Variants in TMEM117 observed in about 807,000 individuals in gnomAD.
TMEM117 encodes transmembrane protein 117.
Under a neutral mutation model 52.4 loss-of-function variants are expected in TMEM117, and 27 were observed. The observed-to-expected ratio is 0.51, with a 90% CI of 0.38 to 0.71. The LOEUF (loss-of-function observed/expected upper bound fraction) is 0.71. Among genes scored for constraint, TMEM117 ranks in the 30% least tolerant of loss-of-function variants. The pLI is 0.00. For synonymous variants in TMEM117, 215 were observed against 206.3 expected, an observed-to-expected ratio of 1.04 and a Z score of -0.36; for missense variants, 556 against 630.5, an observed-to-expected ratio of 0.88 and a Z score of 1.26.
intron 4 of TMEM117, among the ~76,000 whole-genome samples, chr12:44,181,324 G>C (rs1311120133): frequency 1.3e-5 from 2 of 152,002 alleles, no homozygotes; most frequent in Non-Finnish European, 2.9e-5. Context: ...TCTGATGGTA[G>C]TTTCTTTTGC....
rs192774292 is a variant in TMEM117 at position 44,322,120 on chromosome 12, G to A, written c.768+22381G>A. On this transcript the variant is annotated intron_variant, in intron 6 of 7. Coordinates refer to ENST00000266534, the MANE Select transcript of TMEM117 (RefSeq NM_032256.3). ...TTTCATTTGAATAAAAGGAATTGGC[G>A]ACTTATGTCAGAGAAGCTATGTTAG... Among the ~76,000 whole-genome samples, 4 of 152,262 alleles carry A rather than the reference G, an allele frequency of 2.6e-5. No homozygotes were observed. The East Asian group carries it at 5.8e-4, about 22-fold the overall frequency.
intron 3 of TMEM117, among the ~76,000 whole-genome samples, chr12:44,125,229 G>A (rs953041186): frequency 8.6e-5 from 13 of 151,894 alleles, no homozygotes; most frequent in South Asian, 4.2e-4. Flanking sequence ...CTCAGCCTCC[G>A]GAGTACCTGG....
chr12:44,242,338 G>A (rs1037969553), intron 5 of TMEM117, among the ~76,000 whole-genome samples: 1 of 151,522 alleles, frequency 6.6e-6, no homozygotes, highest in Non-Finnish European at 1.5e-5. Flanking sequence ...CCTTCTTTGT[G>A]TTCATGAGTT....
the TMEM117 span, among the ~76,000 whole-genome samples, chr12:43,820,857 T>C: frequency 6.6e-6 from 1 of 151,618 alleles, no homozygotes; most frequent in African/African-American, 2.4e-5. Context: ...ATCCCAGCAC[T>C]TTGGGAGGCC....
intron 3 of TMEM117, among the ~76,000 whole-genome samples, chr12:43,956,873 A>G (rs117528618): frequency 0.016 from 2,510 of 152,264 alleles, 49 homozygotes; most frequent in East Asian, 0.069. Flanking sequence ...TTGCAGCACT[A>G]TTTACCATAG....
intron 2 of TMEM117, among the ~76,000 whole-genome samples, chr12:43,854,646 T>G (rs928920784): frequency 6.6e-6 from 1 of 151,840 alleles, no homozygotes; most frequent in Non-Finnish European, 1.5e-5. Flanking sequence ...ATTTATTTAT[T>G]TATTATTTTT....
intron 6 of TMEM117, among the ~76,000 whole-genome samples, chr12:44,333,485 G>T (rs1951300025): frequency 6.6e-6 from 1 of 151,958 alleles, no homozygotes; most frequent in South Asian, 2.1e-4. Context: ...GGCAGAAATT[G>T]GATCATGGAG....
At chr12:44,235,477 T>C (rs1949984861) in intron 5 of TMEM117, among the ~76,000 whole-genome samples, 2 of 151,710 alleles carry the variant, frequency 1.3e-5, no homozygotes, top group Non-Finnish European at 1.5e-5. Context: ...AATTTTTACC[T>C]TTTTTGATGT....
chr12:44,332,835 T>C (rs1180704739), intron 6 of TMEM117, among the ~76,000 whole-genome samples: 1 of 151,908 alleles, frequency 6.6e-6, no homozygotes, highest in African/African-American at 2.4e-5. Flanking sequence ...AGCATTTTCA[T>C]AGTAAGTATA....
At chr12:43,946,550 A>C (rs1268092962) in intron 3 of TMEM117, among the ~76,000 whole-genome samples, 3 of 152,164 alleles carry the variant, frequency 2.0e-5, no homozygotes, top group Non-Finnish European at 2.9e-5. Context: ...GAGAGTTAAT[A>C]GTTGTTGAAC....
chr12:43,991,462 TATCTATCTATCTA>T (rs1275805356), intron 3 of TMEM117, among the ~76,000 whole-genome samples: 1 of 151,750 alleles, frequency 6.6e-6, no homozygotes, highest in Non-Finnish European at 1.5e-5. Context: ...TCTATCTATC[TATCTATCTATCTA>T]ATCTATCTCT....
At chr12:44,006,256 T>G (rs1345029505) in intron 3 of TMEM117, among the ~76,000 whole-genome samples, 1 of 152,254 alleles carries the variant, frequency 6.6e-6, no homozygotes, top group Non-Finnish European at 1.5e-5. Context: ...TCATTTTGTA[T>G]GTCTGTGTAG....
intron 3 of TMEM117, among the ~76,000 whole-genome samples, chr12:43,972,548 C>A (rs1273192867): frequency 6.6e-6 from 1 of 152,182 alleles, no homozygotes; most frequent in African/African-American, 2.4e-5. Flanking sequence ...TCCCTGCTCA[C>A]GTCCTGCTGA....
At chr12:44,037,248 T>C (rs947378648) in intron 3 of TMEM117, among the ~76,000 whole-genome samples, 1 of 152,106 alleles carries the variant, frequency 6.6e-6, no homozygotes, top group African/African-American at 2.4e-5. Flanking sequence ...GCTATAGCCA[T>C]CCAGCCACAG....
At chr12:44,045,947 G>A (rs1946875310) in intron 3 of TMEM117, among the ~76,000 whole-genome samples, 1 of 152,228 alleles carries the variant, frequency 6.6e-6, no homozygotes. Flanking sequence ...TTGATTGATA[G>A]AATGGTGGAA....
At chr12:43,922,475 G>T (rs1369630497) in intron 2 of TMEM117, among the ~76,000 whole-genome samples, 1 of 152,060 alleles carries the variant, frequency 6.6e-6, no homozygotes, top group Non-Finnish European at 1.5e-5. Context: ...ATGTGCTTTT[G>T]TAAGGCAAAA....
intron 5 of TMEM117, among the ~76,000 whole-genome samples, chr12:44,282,894 A>C (rs1950595308): frequency 6.6e-6 from 1 of 152,234 alleles, no homozygotes; most frequent in Admixed American, 6.5e-5. Flanking sequence ...GGCTGGGCCC[A>C]GGGTCCTCGT....
intron 6 of TMEM117, among the ~76,000 whole-genome samples, chr12:44,344,761 T>A (rs1471303021): frequency 6.6e-6 from 1 of 152,094 alleles, no homozygotes; most frequent in East Asian, 1.9e-4. Context: ...TCAGTATCAT[T>A]GTCCAGTCAC....
the TMEM117 span, among the ~76,000 whole-genome samples, chr12:43,823,323 G>T: frequency 6.6e-6 from 1 of 152,082 alleles, no homozygotes; most frequent in Non-Finnish European, 1.5e-5. Context: ...GATAGAAAAG[G>T]TAGCAAAGTA....
Sources: allele counts gnomAD v4.1 joint callset (sites outside exome capture counted in the v4.1 genomes callset), GRCh38; gene constraint gnomAD v4.1.1; transcripts MANE v1.5; gene names NCBI Gene and HGNC (gene_info 2026-07-23, HGNC 2026-07-21).